Variants in BACH1 observed in about 807,000 individuals in gnomAD.
BACH1 encodes the protein BTB domain and CNC homolog 1.
In BACH1, 35 loss-of-function variants were observed where a neutral mutation model predicts 52.9. That is an observed-to-expected ratio of 0.66 (90% CI 0.51 to 0.88). BACH1 has a LOEUF of 0.88. Ranked by LOEUF, BACH1 falls within the 40% of genes least tolerant of loss-of-function variation. BACH1 has a pLI of 0.00. For missense variants in BACH1, 808 were observed against 872.6 expected, an observed-to-expected ratio of 0.93 and a Z score of 0.93; for synonymous variants, 321 against 319.6, an observed-to-expected ratio of 1.00 and a Z score of -0.05.
At chr21:29,321,106 T>A (rs1017036489) in intron 1 of BACH1, 115 bp from the exon 2 acceptor site, 21 of 598,684 alleles carry the variant, frequency 3.5e-5, no homozygotes, top group Non-Finnish European at 5.8e-5. Context: ...GTTGTTCCTC[T>A]GGAGGTTTTT....
At chr21:29,331,508 G>T (rs186833611) in intron 4 of BACH1, among the ~76,000 whole-genome samples, 1 of 152,058 alleles carries the variant, frequency 6.6e-6, no homozygotes, top group East Asian at 1.9e-4. Context: ...TTATTTTTTT[G>T]ATACAAATCA....
At chr21:29,304,453 A>T (rs1186816848) in intron 1 of BACH1, among the ~76,000 whole-genome samples, 1 of 152,070 alleles carries the variant, frequency 6.6e-6, no homozygotes, top group African/African-American at 2.4e-5. Context: ...CTTTCAGGTA[A>T]AGTTTTTTTC....
At chr21:29,349,976 G>T (rs1325994216), downstream of BACH1, among the ~76,000 whole-genome samples, 1 of 152,024 alleles carries the variant, frequency 6.6e-6, no homozygotes, top group East Asian at 1.9e-4. Flanking sequence ...CACTTAAGAT[G>T]CCCCTCCCCA....
intron 1 of BACH1, among the ~76,000 whole-genome samples, chr21:29,317,408 A>G (rs2088800000): frequency 6.6e-6 from 1 of 152,250 alleles, no homozygotes; most frequent in African/African-American, 2.4e-5. Flanking sequence ...TGACATTTAA[A>G]CAGAGAACTA....
At position 29,321,483 on chromosome 21, in the gene BACH1, A is replaced by ATGGAGAGC; in HGVS notation, c.206_213dup (p.Asn72GlufsTer3). ...CACTCAAGAATCGTAGGCCAGGCTG[A>ATGGAGAGC]TGGAGAGCTGAACATTACTCTTCCA... On this transcript the variant is annotated frameshift_variant, in exon 2 of 5. Coordinates refer to ENST00000286800, the MANE Select transcript of BACH1 (RefSeq NM_001186.4). LOFTEE classifies it high-confidence loss of function. The ATGGAGAGC allele has an allele frequency of 6.2e-7, 1 of 1,614,190 alleles. No individual in the cohort carries two copies. The highest frequency in any genetic ancestry group is 8.5e-7 in the Non-Finnish European group (1 of 1,180,022).
intron 1 of BACH1, chr21:29,300,873 TAAGTCTCG>T (rs1413100519): frequency 6.6e-5 from 10 of 152,220 alleles, no homozygotes; most frequent in Admixed American, 2.0e-4. Flanking sequence ...CTCATTGGGT[TAAGTCTCG>T]AAAGAGCTGT....
intron 2 of BACH1, among the ~76,000 whole-genome samples, chr21:29,356,988 A>G (rs545474346): frequency 6.6e-6 from 1 of 151,686 alleles, no homozygotes; most frequent in African/African-American, 2.4e-5. Flanking sequence ...TAAGACTGCC[A>G]CCTCCTTGGG....
intron 4 of BACH1, among the ~76,000 whole-genome samples, chr21:29,341,991 G>C (rs181087924): frequency 6.6e-6 from 1 of 152,092 alleles, no homozygotes; most frequent in South Asian, 2.1e-4. Context: ...TCCAAAAACC[G>C]TATGTTTGTC....
chr21:29,356,721 A>G (rs1236616031), intron 2 of BACH1, among the ~76,000 whole-genome samples: 1 of 152,256 alleles, frequency 6.6e-6, no homozygotes, highest in Non-Finnish European at 1.5e-5. Context: ...GCCCTTGTTT[A>G]CACTGACAAC....
At chr21:29,323,672 A>G (rs893508768) in intron 2 of BACH1, among the ~76,000 whole-genome samples, 2 of 152,182 alleles carry the variant, frequency 1.3e-5, no homozygotes, top group Non-Finnish European at 2.9e-5. Context: ...CCCAGAAACA[A>G]GACTTTACAG....
At chr21:29,306,611 T>TA (rs1369769680) in intron 1 of BACH1, among the ~76,000 whole-genome samples, 2 of 152,156 alleles carry the variant, frequency 1.3e-5, no homozygotes, top group Non-Finnish European at 2.9e-5. Flanking sequence ...TGAGAGTAGA[T>TA]ACGTGAGCAC....
chr21:29,319,804 G>T (rs1299095616), intron 1 of BACH1, among the ~76,000 whole-genome samples: 3 of 150,806 alleles, frequency 2.0e-5, no homozygotes, highest in Non-Finnish European at 4.4e-5. Context: ...CTCTGGGCAG[G>T]GTATAGTCTT....
At position 29,326,286 on chromosome 21, in the gene BACH1, C is replaced by G. The variant is rs762789684; in HGVS notation, c.462C>G (p.Asp154Glu). 6.2e-7 allele frequency: 1 copy of G among 1,614,118 alleles called. No individual in the cohort carries two copies. The highest frequency in any genetic ancestry group is 8.5e-7 in the Non-Finnish European group (1 of 1,180,024). The stretch of plus-strand genomic sequence containing the variant: ...TTTCATCACACTGTCAGAAAACAGA[C>G]CTTAAACTTTCACTTTTGGACCAGA... ...KCFSSHCQKT[D>E]LKLSLLDQRD... Residue 154 changes from aspartate (D) to glutamate (E), a missense_variant, in exon 3 of 5, where the codon GAC becomes GAG. Transcript: ENST00000286800.
chr21:29,327,596 G>A (rs1306771639), intron 3 of BACH1, among the ~76,000 whole-genome samples: 1 of 152,182 alleles, frequency 6.6e-6, no homozygotes, highest in Non-Finnish European at 1.5e-5. Flanking sequence ...GAGAAGCCGA[G>A]GTGTGGGTGG....
chr21:29,353,166 A>G (rs1205162345), intron 2 of BACH1, among the ~76,000 whole-genome samples: 1 of 152,216 alleles, frequency 6.6e-6, no homozygotes, highest in Non-Finnish European at 1.5e-5. Flanking sequence ...TTTCTAAGAA[A>G]TGGCAATGGA....
At position 29,329,790 on chromosome 21, in the gene BACH1, A is replaced by G. The variant is rs1310781747; in HGVS notation, c.1776+97A>G. 6.7e-6 allele frequency: 6 copies of G among 899,292 alleles called. No homozygotes were observed. The African/African-American group carries it at 6.9e-5, about 10-fold the overall frequency. The allele number at this position is 899,292 out of a possible 1,614,324, so 55.7% of individuals were successfully genotyped here. A position where few individuals can be genotyped will look rare whatever the true frequency, so the allele number is the denominator to read the frequency against. ...ATTTCTAGGTCAGATATAATGCTCA[A>G]TTACTTATTTTAATATGTATCAATT... is the stretch of plus-strand genomic sequence containing the variant. On this transcript the variant is annotated intron_variant, in intron 4 of 4. Coordinates refer to ENST00000286800, the MANE Select transcript of BACH1 (RefSeq NM_001186.4).
chr21:29,323,660 C>T (rs2088875446), intron 2 of BACH1, among the ~76,000 whole-genome samples: 1 of 152,204 alleles, frequency 6.6e-6, no homozygotes, highest in African/African-American at 2.4e-5. Flanking sequence ...CTCACTGACA[C>T]ACCCAGAAAC....
intron 3 of BACH1, among the ~76,000 whole-genome samples, chr21:29,329,133 C>T (rs1462023175): frequency 1.3e-5 from 2 of 152,060 alleles, no homozygotes; most frequent in Non-Finnish European, 2.9e-5. Context: ...CATGGTAAAA[C>T]CCCATCTCTA....
At position 29,327,343 on chromosome 21, in the gene BACH1, G is replaced by T; in HGVS notation, c.1519G>T (p.Asp507Tyr). 1 of 1,614,186 alleles carries T rather than the reference G, an allele frequency of 6.2e-7. No individual in the cohort carries two copies. The highest frequency in any genetic ancestry group is 1.1e-5 in the South Asian group (1 of 91,060). Reference protein sequence around the residue: ...VISLGDDSETDTEGDSESCSA... With the variant: ...VISLGDDSETYTEGDSESCSA... Reference sequence around the variant, plus strand: ...TAGCTTGGGAGACGACTCTGAGACGGACACCGAAGGAGACAGTGAATCCTG... The same window carrying T: ...TAGCTTGGGAGACGACTCTGAGACGTACACCGAAGGAGACAGTGAATCCTG... The change falls in exon 3 of 5, where the codon GAC becomes TAC. Residue 507 changes from aspartate (D) to tyrosine (Y), a missense_variant. Coordinates refer to ENST00000286800, the MANE Select transcript of BACH1 (RefSeq NM_001186.4).
Sources: allele counts gnomAD v4.1 joint callset (sites outside exome capture counted in the v4.1 genomes callset), GRCh38; gene constraint gnomAD v4.1.1; transcripts MANE v1.5; gene names NCBI Gene and HGNC (gene_info 2026-07-23, HGNC 2026-07-21).